DNAI1: variants seen among roughly 807,000 people sequenced by gnomAD.
DNAI1 encodes the protein dynein, axonemal, intermediate polypeptide 1.
A neutral mutation model predicts 92.0 loss-of-function variants in DNAI1; 67 were observed. That is an observed-to-expected ratio of 0.73 (90% CI 0.60 to 0.89). The LOEUF (loss-of-function observed/expected upper bound fraction) is 0.89. Among genes scored for constraint, DNAI1 ranks in the 40% least tolerant of loss-of-function variants. DNAI1 has a pLI of 0.00. For missense variants in DNAI1, 839 were observed against 866.6 expected, an observed-to-expected ratio of 0.97 and a Z score of 0.40; for synonymous variants, 323 against 319.6, an observed-to-expected ratio of 1.01 and a Z score of -0.11.
chr9:34,492,317 C>T (rs1044785981), intron 8 of DNAI1, among the ~76,000 whole-genome samples: 7 of 151,632 alleles, frequency 4.6e-5, no homozygotes, highest in Non-Finnish European at 8.8e-5. Flanking sequence ...AGCCCCAGAT[C>T]CTTGCTGCTT....
rs771072582 is a variant in DNAI1, at chr9:34,517,400, T to C, written c.1934T>C (p.Ile645Thr). 3.1e-6 allele frequency: 5 copies of C among 1,614,176 alleles called. No individual in the cohort carries two copies. The highest frequency in any genetic ancestry group is 4.2e-6 in the Non-Finnish European group (5 of 1,180,026). ...TTCAATCTCATCCACCCCATCATCA[T>C]TGTGGGCGATGACCGTGGGCACATC... is the stretch of plus-strand genomic sequence containing the variant. ...VQFNLIHPIIIVGDDRGHIIS... is the reference protein window; with the variant it reads ...VQFNLIHPIITVGDDRGHIIS... Residue 645 changes from isoleucine (I) to threonine (T), a missense_variant, in exon 19 of 20, where the codon ATT becomes ACT. By Grantham distance (89) the Ile-to-Thr change is moderately conservative (BLOSUM62 -1). Coordinates refer to ENST00000242317, the MANE Select transcript of DNAI1 (RefSeq NM_012144.4).
At chr9:34,509,816 T>C (rs1288677126) in intron 13 of DNAI1, among the ~76,000 whole-genome samples, 4 of 145,050 alleles carry the variant, frequency 2.8e-5, no homozygotes, top group Non-Finnish European at 5.9e-5. Flanking sequence ...AGGCCATCCA[T>C]AGGAGTGAGA....
intron 4 of DNAI1, among the ~76,000 whole-genome samples, chr9:34,488,707 C>T (rs1334842290): frequency 6.6e-6 from 1 of 152,198 alleles, no homozygotes; most frequent in East Asian, 1.9e-4. Context: ...TCCCAGGCAC[C>T]TGGAAAATAC....
At chr9:34,479,413 G>A (rs1408540450) in intron 1 of DNAI1, among the ~76,000 whole-genome samples, 2 of 152,228 alleles carry the variant, frequency 1.3e-5, no homozygotes, top group African/African-American at 2.4e-5. Context: ...TGGTTGGGAA[G>A]TTAGGGCTGT....
chr9:34,496,159 T>A (rs1055126544), intron 9 of DNAI1, among the ~76,000 whole-genome samples: 2 of 151,926 alleles, frequency 1.3e-5, no homozygotes, highest in Non-Finnish European at 2.9e-5. Flanking sequence ...AGTCTAAGAC[T>A]CAGAGAAGCT....
rs1406753059 is a variant in DNAI1 at position 34,458,844 on chromosome 9, T to A, written c.-162T>A. 2 of 713,066 alleles carry A rather than the reference T, an allele frequency of 2.8e-6. No individual in the cohort carries two copies. Among genetic ancestry groups the A allele is most frequent in the Non-Finnish European group, 5.1e-6 (2 of 389,542 alleles). The allele number at this position is 713,066 out of a possible 1,614,324, so 44.2% of individuals were successfully genotyped here. On this transcript the variant is annotated 5_prime_UTR_variant, in exon 1 of 20. Transcript: ENST00000242317. The surrounding 1 kb of genome is among the most constrained non-coding windows in gnomAD (Gnocchi z 6.6). ...CGCGTCAGGGAGTTGGATTCTATCC[T>A]GCAAGGGCACGGGGACCCACAACGA...
intron 1 of DNAI1, among the ~76,000 whole-genome samples, chr9:34,460,772 C>T (rs919310013): frequency 6.6e-5 from 10 of 152,196 alleles, no homozygotes; most frequent in African/African-American, 2.2e-4. Flanking sequence ...AAGGGACCTG[C>T]CTCAGCCTCC....
chr9:34,467,595 C>T (rs1824061913), intron 1 of DNAI1, among the ~76,000 whole-genome samples: 1 of 152,168 alleles, frequency 6.6e-6, no homozygotes, highest in Admixed American at 6.5e-5. Flanking sequence ...ATTGTTACCA[C>T]TGCACTCCAG....
Position 34,485,239 on chromosome 9 carries a change from C to G in DNAI1, c.179C>G (p.Ala60Gly). The G allele has an allele frequency of 6.2e-7, 1 of 1,614,102 alleles. No individual in the cohort carries two copies. Among genetic ancestry groups the G allele is most frequent in the Non-Finnish European group, 8.5e-7 (1 of 1,180,006 alleles). Residue 60 changes from alanine (A) to glycine (G), a missense_variant and splice_region_variant, in exon 3 of 20, where the codon GCG becomes GGG. Physicochemically the swap from Ala to Gly is moderately conservative, Grantham distance 60. Transcript: ENST00000242317. Reference protein sequence around the residue: ...RPPDQLELTDAELKEEFTRIL... With the variant: ...RPPDQLELTDGELKEEFTRIL... Reference sequence around the variant, plus strand: ...CCTGACCAGCTGGAGTTGACCGATGCGGTGAGTGAGTAGCCTCTTGTTCTT... The same window carrying G: ...CCTGACCAGCTGGAGTTGACCGATGGGGTGAGTGAGTAGCCTCTTGTTCTT...
chr9:34,458,995 C>A lies in DNAI1; in HGVS notation c.-11C>A. ...ACGAGGGAGCGTTTTGTAGGCTCTC[C>A]AGGGGTTGAGATGATTCCTGCTTCT... On this transcript the variant is annotated 5_prime_UTR_variant, in exon 1 of 20. Transcript: ENST00000242317. This position sits in a 1 kb window ranked among gnomAD's most constrained non-coding sequence, Gnocchi z 6.6. 6.2e-7 allele frequency: 1 copy of A among 1,614,062 alleles called. No homozygotes were observed. The highest frequency in any genetic ancestry group is 1.1e-5 in the South Asian group (1 of 91,080).
intron 8 of DNAI1, 98 bp from the exon 9 acceptor site, chr9:34,493,096 G>A: frequency 6.5e-7 from 1 of 1,549,734 alleles, no homozygotes; most frequent in East Asian, 2.2e-5. Flanking sequence ...TGTTGCCAGG[G>A]TTAACATGAC....
intron 12 of DNAI1, among the ~76,000 whole-genome samples, chr9:34,504,871 C>T (rs1053611497): frequency 6.6e-6 from 1 of 151,944 alleles, no homozygotes; most frequent in Non-Finnish European, 1.5e-5. Flanking sequence ...TTCCTGGAGT[C>T]GAAGGTGGCA....
chr9:34,474,633 A>G (rs1340238435), intron 1 of DNAI1, among the ~76,000 whole-genome samples: 1 of 144,308 alleles, frequency 6.9e-6, no homozygotes, highest in Non-Finnish European at 1.5e-5. Flanking sequence ...CAGTGGTGCA[A>G]TCTCGGCTCA....
intron 13 of DNAI1, among the ~76,000 whole-genome samples, chr9:34,510,567 C>T (rs1045646733): frequency 1.3e-5 from 2 of 152,116 alleles, no homozygotes; most frequent in Admixed American, 6.5e-5. Context: ...TTATTCCTAC[C>T]GGCTCACCTC....
At chr9:34,489,973 A>G (rs759506195) in intron 5 of DNAI1, 39 bp from the exon 6 acceptor site, 1 of 1,610,514 alleles carries the variant, frequency 6.2e-7, no homozygotes, top group South Asian at 1.1e-5. Flanking sequence ...TTGGGAGAGC[A>G]GGCTTAGACT....
intron 9 of DNAI1, among the ~76,000 whole-genome samples, chr9:34,494,377 C>G (rs7872855): frequency 0.2 from 29,748 of 152,026 alleles, 3,448 homozygotes; most frequent in African/African-American, 0.33. Context: ...GACCAAGTAC[C>G]TAGTGATCAT....
At chr9:34,462,474 T>C (rs1389638040) in intron 1 of DNAI1, among the ~76,000 whole-genome samples, 1 of 152,210 alleles carries the variant, frequency 6.6e-6, no homozygotes, top group East Asian at 1.9e-4. Context: ...TATGTTATGG[T>C]AAGGATCATG....
In DNAI1 at chr9:34,506,816, C is replaced by G. The variant is rs766607013; in HGVS notation, c.1253C>G (p.Ser418Cys). 1.4e-5 allele frequency: 23 copies of G among 1,614,180 alleles called. No individual in the cohort carries two copies. Among genetic ancestry groups the G allele is most frequent in the Non-Finnish European group, 1.8e-5 (21 of 1,180,046 alleles). The change falls in exon 13 of 20, where the codon TCC becomes TGC. Residue 418 changes from serine (S) to cysteine (C), a missense_variant. By Grantham distance (112) the Ser-to-Cys change is moderately radical. Coordinates refer to ENST00000242317, the MANE Select transcript of DNAI1 (RefSeq NM_012144.4). ...VAIYNLKKPH[S>C]QPSFCSSAKS... Reference sequence around the variant, plus strand: ...ATTTACAACCTCAAGAAGCCCCACTCCCAGCCCTCCTTCTGCAGCTCAGCC... The same window carrying G: ...ATTTACAACCTCAAGAAGCCCCACTGCCAGCCCTCCTTCTGCAGCTCAGCC...
chr9:34,520,136 G>A (rs1290526357), intron 19 of DNAI1, among the ~76,000 whole-genome samples: 3 of 152,202 alleles, frequency 2.0e-5, no homozygotes, highest in Non-Finnish European at 4.4e-5. Flanking sequence ...AGCAGGTCTC[G>A]CCCCAAATAG....
Sources: gnomAD v4.1 joint callset for allele counts (sites outside exome capture counted in the v4.1 genomes callset) on GRCh38, gnomAD v4.1.1 for gene constraint, Gnocchi (gnomAD v3.1) non-coding constraint, MANE v1.5 for transcripts, NCBI Gene and HGNC (gene_info 2026-07-23, HGNC 2026-07-21) for gene names.